Variants in KIF16B observed in about 807,000 individuals in gnomAD.
KIF16B encodes the protein kinesin-like protein KIF16B.
KIF16B carries 98 observed loss-of-function variants against 156.3 expected under a neutral mutation model. That is an observed-to-expected ratio of 0.63 (90% CI 0.53 to 0.74). KIF16B has a LOEUF of 0.74. KIF16B is among the 30% of genes least tolerant of loss of function. The pLI, the probability that KIF16B is intolerant of heterozygous loss-of-function variation, is 0.00. For missense variants in KIF16B, 1,421 were observed against 1,606.5 expected (o/e 0.88, Z 1.97); for synonymous variants, 564 against 583.7 (o/e 0.97, Z 0.49).
chr20:16,347,530 T>TAA (rs2064256011), intron 23 of KIF16B, among the ~76,000 whole-genome samples: 1 of 152,078 alleles, frequency 6.6e-6, no homozygotes, highest in Admixed American at 6.6e-5. Context: ...AAGGGCAATA[T>TAA]AAAAGATCAG....
intron 12 of KIF16B, among the ~76,000 whole-genome samples, chr20:16,476,684 C>T (rs1316768153): frequency 6.6e-6 from 1 of 152,152 alleles, no homozygotes; most frequent in East Asian, 1.9e-4. Flanking sequence ...CTAAAAGATG[C>T]AGGATAGCCA....
intron 22 of KIF16B, among the ~76,000 whole-genome samples, chr20:16,357,650 C>T (rs1019812406): frequency 2.6e-5 from 4 of 152,092 alleles, no homozygotes; most frequent in African/African-American, 9.7e-5. Flanking sequence ...GGTTCTCAGC[C>T]AGGTGTAACT....
chr20:16,371,810 G>GACATTCTGA, intron 20 of KIF16B, 49 bp from the exon 21 acceptor site: 1 of 1,242,738 alleles, frequency 8.0e-7, no homozygotes, highest in Non-Finnish European at 1.2e-6. Flanking sequence ...AACCACACAG[G>GACATTCTGA]ACATTCTGAG....
chr20:16,508,631 A>G (rs62199782), intron 6 of KIF16B, among the ~76,000 whole-genome samples: 1,747 of 152,284 alleles, frequency 0.011, 15 homozygotes, highest in Middle Eastern at 0.061. Flanking sequence ...CAGAGCTCAG[A>G]TAGTAACGCT....
chr20:16,294,539 C>T (rs182212170), intron 25 of KIF16B, among the ~76,000 whole-genome samples: 34 of 152,294 alleles, frequency 2.2e-4, no homozygotes, highest in Non-Finnish European at 4.9e-4. Context: ...GGCAGGCCCA[C>T]TTATCCACAG....
Position 16,573,297 on chromosome 20 carries a change from C to A in KIF16B, c.-22G>T. On this transcript the variant is annotated 5_prime_UTR_variant, in exon 1 of 26. Transcript: ENST00000354981. ...CCATCGCTCATCCCGAACCAGCCCGCGCGGGGTCCCACTAGCCCAGAACTC... is the reference window on the plus strand; with the variant it reads ...CCATCGCTCATCCCGAACCAGCCCGAGCGGGGTCCCACTAGCCCAGAACTC... The A allele has an allele frequency of 6.2e-7, 1 of 1,609,226 alleles. No individual in the cohort carries two copies. The highest frequency in any genetic ancestry group is 8.5e-7 in the Non-Finnish European group (1 of 1,178,638).
intron 24 of KIF16B, among the ~76,000 whole-genome samples, chr20:16,317,295 C>T (rs2063711698): frequency 6.6e-6 from 1 of 152,134 alleles, no homozygotes; most frequent in Non-Finnish European, 1.5e-5. Flanking sequence ...TAGCCTCTGA[C>T]AAAGGAGATA....
chr20:16,436,299 A>G (rs542125484), intron 12 of KIF16B, among the ~76,000 whole-genome samples: 2 of 152,272 alleles, frequency 1.3e-5, no homozygotes, highest in African/African-American at 4.8e-5. Flanking sequence ...AGATGGAATG[A>G]CAGAGGGCTA....
chr20:16,345,689 C>A (rs568952131), intron 23 of KIF16B, among the ~76,000 whole-genome samples: 1 of 152,230 alleles, frequency 6.6e-6, no homozygotes, highest in Non-Finnish European at 1.5e-5. Flanking sequence ...CTCTAAACTG[C>A]CTTTAGGAGG....
chr20:16,331,719 G>A (rs2063951593), intron 24 of KIF16B, among the ~76,000 whole-genome samples: 1 of 152,158 alleles, frequency 6.6e-6, no homozygotes, highest in Non-Finnish European at 1.5e-5. Context: ...TCACCCATGA[G>A]AGGAAATTTT....
chr20:16,354,363 C>G (rs1348045186), intron 23 of KIF16B, among the ~76,000 whole-genome samples: 14 of 152,030 alleles, frequency 9.2e-5, no homozygotes, highest in Non-Finnish European at 1.5e-5. Flanking sequence ...TAATTCTGAA[C>G]TAATGGAAGC....
chr20:16,273,157 G>A lies in KIF16B; in HGVS notation c.*96C>T, dbSNP rs1210119841. 6 of 1,056,248 alleles carry A rather than the reference G, an allele frequency of 5.7e-6. No homozygotes were observed. Among genetic ancestry groups the A allele is most frequent in the Non-Finnish European group, 8.7e-6 (6 of 693,466 alleles). 65.4% of individuals were successfully genotyped at this position (1,056,248 alleles called of 1,614,324 possible). A position where few individuals can be genotyped will look rare whatever the true frequency, so the allele number is the denominator to read the frequency against. On this transcript the variant is annotated 3_prime_UTR_variant, in exon 26 of 26. Coordinates refer to ENST00000354981, the MANE Select transcript of KIF16B (RefSeq NM_024704.5). Reference sequence around the variant, plus strand: ...TGCATGTCTGTCTTCAGCAGGAGGAGGCAGACCCGGATCCTCGCATGGGGG... The same window carrying A: ...TGCATGTCTGTCTTCAGCAGGAGGAAGCAGACCCGGATCCTCGCATGGGGG...
intron 25 of KIF16B, among the ~76,000 whole-genome samples, chr20:16,284,181 A>T (rs2063187926): frequency 6.6e-6 from 1 of 152,204 alleles, no homozygotes; most frequent in South Asian, 2.1e-4. Flanking sequence ...AAGAACAGCT[A>T]GCTAATTACA....
intron 12 of KIF16B, among the ~76,000 whole-genome samples, chr20:16,486,207 C>T (rs1180358626): frequency 6.6e-6 from 1 of 152,040 alleles, no homozygotes; most frequent in Non-Finnish European, 1.5e-5. Flanking sequence ...CTTTGTTTTG[C>T]TCACTGGGTA....
At chr20:16,274,189 A>G (rs2063027082) in intron 25 of KIF16B, among the ~76,000 whole-genome samples, 1 of 152,202 alleles carries the variant, frequency 6.6e-6, no homozygotes, top group South Asian at 2.1e-4. Flanking sequence ...CTTATAAAAT[A>G]AAGGGAAAGC....
At chr20:16,381,874 G>T in intron 17 of KIF16B, 127 bp from the exon 18 acceptor site, 1 of 814,976 alleles carries the variant, frequency 1.2e-6, no homozygotes, top group South Asian at 1.9e-5. Context: ...TAATTACCAC[G>T]GGTTAGCAAG....
At chr20:16,470,521 T>G (rs150993383) in intron 12 of KIF16B, among the ~76,000 whole-genome samples, 2,208 of 152,170 alleles carry the variant, frequency 0.015, 45 homozygotes, top group African/African-American at 0.05. Context: ...TCTCACTCCA[T>G]CACCCAGGTT....
At chr20:16,363,024 A>G (rs2064579681) in intron 22 of KIF16B, among the ~76,000 whole-genome samples, 1 of 152,208 alleles carries the variant, frequency 6.6e-6, no homozygotes, top group Non-Finnish European at 1.5e-5. Flanking sequence ...AAGAGATTTG[A>G]TGGTGATGGT....
At position 16,374,419 on chromosome 20, in the gene KIF16B, T is replaced by C. The variant is rs564611273; in HGVS notation, c.3198-10A>G. 3 of 1,528,442 alleles carry C rather than the reference T, an allele frequency of 2.0e-6. No individual in the cohort carries two copies. Among genetic ancestry groups the C allele is most frequent in the Admixed American group, 1.9e-5 (1 of 52,128 alleles). 94.7% of individuals were successfully genotyped at this position (1,528,442 alleles called of 1,614,324 possible). Reference sequence around the variant, plus strand: ...GATTTCATATTCTAACCTACACAGATAGGAGCCACATAATTCATTCATTAA... The same window carrying C: ...GATTTCATATTCTAACCTACACAGACAGGAGCCACATAATTCATTCATTAA... On this transcript the variant is annotated splice_polypyrimidine_tract_variant and intron_variant, in intron 19 of 25. Coordinates refer to ENST00000354981, the MANE Select transcript of KIF16B (RefSeq NM_024704.5).
Sources: allele counts gnomAD v4.1 joint callset (sites outside exome capture counted in the v4.1 genomes callset), GRCh38; gene constraint gnomAD v4.1.1; transcripts MANE v1.5; gene names NCBI Gene and HGNC (gene_info 2026-07-23, HGNC 2026-07-21).